MCM8: variants seen among roughly 807,000 people sequenced by gnomAD.
MCM8 encodes the protein DNA helicase MCM8.
A neutral mutation model predicts 98.9 loss-of-function variants in MCM8; 85 were observed. That is an observed-to-expected ratio of 0.86 (90% confidence interval 0.72 to 1.03). The LOEUF (loss-of-function observed/expected upper bound fraction) is 1.03. Ranked by LOEUF, MCM8 falls within the 50% of genes least tolerant of loss-of-function variation. The probability of loss-of-function intolerance (pLI) is 0.00; values close to 1 mark genes in which losing one functional copy is unlikely to be tolerated. For missense variants in MCM8, 951 were observed against 997.8 expected, an observed-to-expected ratio of 0.95 and a Z score of 0.63; for synonymous variants, 352 against 338.6, an observed-to-expected ratio of 1.04 and a Z score of -0.44.
intron 8 of MCM8, among the ~76,000 whole-genome samples, chr20:5,965,964 C>T (rs1348755874): frequency 6.6e-6 from 1 of 152,038 alleles, no homozygotes; most frequent in Admixed American, 6.6e-5. Context: ...TGCTTCATTG[C>T]ATTTTTTCTA....
rs1339833254 is a variant in MCM8 at position 5,998,180 on chromosome 20, G to A, written c.*3789G>A. The stretch of plus-strand genomic sequence containing the variant: ...ATGGATATTGACTAGCCAAAGAGGT[G>A]GATAAATGTAGATACAATGATACGG... On this transcript the variant is annotated 3_prime_UTR_variant, in exon 19 of 19. Coordinates refer to ENST00000610722, the MANE Select transcript of MCM8 (RefSeq NM_032485.6). The A allele has an allele frequency of 6.6e-6, 1 of 152,158 alleles. No individual in the cohort carries two copies. The highest frequency in any genetic ancestry group is 1.5e-5 in the Non-Finnish European group (1 of 68,032). 9.4% of individuals were successfully genotyped at this position (152,158 alleles called of 1,614,324 possible).
At chr20:5,975,312 A>G (rs1438398587) in intron 12 of MCM8, among the ~76,000 whole-genome samples, 2 of 151,786 alleles carry the variant, frequency 1.3e-5, no homozygotes, top group African/African-American at 4.8e-5. Context: ...AAAAGATGCA[A>G]GTGGGGATCT....
rs1179424441 is a variant in MCM8, at chr20:5,973,058, T to C, written c.1257T>C (p.Leu419=). The change falls in exon 12 of 19, where the codon CTT becomes CTC. Residue 419 remains leucine (L), a splice_region_variant and synonymous_variant. Transcript: ENST00000610722. ...TTTGTTCTTTTTTCGCACTTGAGCT[T>C]GTTAAAGCAGGTTTGGCATTAGCAC... is the stretch of plus-strand genomic sequence containing the variant. ...SLCPVIFGHE[L]VKAGLALALF... 4 of 1,614,062 alleles carry C rather than the reference T, an allele frequency of 2.5e-6. No individual in the cohort carries two copies. Among genetic ancestry groups the C allele is most frequent in the Non-Finnish European group, 2.5e-6 (3 of 1,179,890 alleles).
rs747711524 is a variant in MCM8, at chr20:5,957,188, T to C, written c.549T>C (p.Asn183=). Residue 183 remains asparagine (N), a synonymous_variant, in exon 6 of 19, where the codon AAT becomes AAC. Transcript: ENST00000610722. ...TACAAGCCCAGGAAGGATTGTCTAATGATGGAGAAACAATGGTAAATGTGC... is the reference window on the plus strand; with the variant it reads ...TACAAGCCCAGGAAGGATTGTCTAACGATGGAGAAACAATGGTAAATGTGC... ...AELQAQEGLS[N]DGETMVNVPH... is the part of the protein sequence containing the mutation. The C allele has an allele frequency of 3.1e-6, 5 of 1,613,746 alleles. No individual in the cohort carries two copies. The South Asian group carries it at 5.5e-5, about 18-fold the overall frequency.
intron 3 of MCM8, among the ~76,000 whole-genome samples, chr20:5,953,717 C>T (rs1462316556): frequency 1.3e-5 from 2 of 151,972 alleles, no homozygotes; most frequent in Non-Finnish European, 2.9e-5. Context: ...TCGTTATCCG[C>T]CCGCCTCGGC....
chr20:5,979,552 A>C (rs949715872), intron 13 of MCM8, among the ~76,000 whole-genome samples: 1 of 151,660 alleles, frequency 6.6e-6, no homozygotes, highest in Admixed American at 6.6e-5. Context: ...GTAAATGACA[A>C]CTCTCATTAT....
intron 13 of MCM8, 64 bp from the exon 14 acceptor site, chr20:5,982,906 T>C: frequency 7.4e-7 from 1 of 1,349,840 alleles, no homozygotes; most frequent in Non-Finnish European, 1.0e-6. Flanking sequence ...ATTTCTATCC[T>C]ATAAAATTTG....
rs1187790521 is a variant in MCM8 at position 5,982,845 on chromosome 20, C to A, written c.1538-125C>A. ...CAAACAGTAATTCTCCATTGTATGA[C>A]ATTTTATAATTTTAACTGCTGAAAC... On this transcript the variant is annotated intron_variant, in intron 13 of 18. Coordinates refer to ENST00000610722, the MANE Select transcript of MCM8 (RefSeq NM_032485.6). The A allele has an allele frequency of 9.0e-6, 7 of 781,222 alleles. No individual in the cohort carries two copies. The East Asian group carries it at 1.6e-4, about 18-fold the overall frequency. The allele number at this position is 781,222 out of a possible 1,614,324, so 48.4% of individuals were successfully genotyped here.
Position 5,995,630 on chromosome 20 carries a change from G to A in MCM8, c.*1239G>A, listed in dbSNP as rs2089946349. ...CTGATTGAAAAAGGGTATGTTATAT[G>A]CCCCTTTCATAGGCTGCTAGGGAGT... is the stretch of plus-strand genomic sequence containing the variant. On this transcript the variant is annotated 3_prime_UTR_variant, in exon 19 of 19. Transcript: ENST00000610722. 1 of 152,220 alleles carries A rather than the reference G, an allele frequency of 6.6e-6. No homozygotes were observed. The highest frequency in any genetic ancestry group is 2.4e-5 in the African/African-American group (1 of 41,460). 9.4% of individuals were successfully genotyped at this position (152,220 alleles called of 1,614,324 possible).
At chr20:5,984,126 G>T (rs1451230805) in intron 14 of MCM8, among the ~76,000 whole-genome samples, 1 of 152,170 alleles carries the variant, frequency 6.6e-6, no homozygotes, top group Non-Finnish European at 1.5e-5. Flanking sequence ...GACAAAATGT[G>T]TGGAAAAGGA....
rs149767423 is a variant in MCM8, at chr20:5,967,514, T to C, written c.954T>C (p.Asp318=). 3.6e-4 allele frequency: 585 copies of C among 1,614,116 alleles called. 6 individuals are homozygous for C. In the African/African-American group the frequency reaches 7.0e-3, roughly 19 times the overall value. Residue 318 remains aspartate (D), a synonymous_variant, in exon 9 of 19, where the codon GAT becomes GAC. Coordinates refer to ENST00000610722, the MANE Select transcript of MCM8 (RefSeq NM_032485.6). ...CAATAGAATGTGAGCTTGTTCATGA[T>C]CTTGTGGATAGCTGTGTCCCGGGAG... ...PRTIECELVH[D]LVDSCVPGDT... is the part of the protein sequence containing the mutation.
At position 5,975,215 on chromosome 20, in the gene MCM8, T is replaced by C. The variant is rs544714529; in HGVS notation, c.1395+2019T>C. Among the ~76,000 whole-genome samples the C allele has an allele frequency of 2.6e-3, 396 of 151,722 alleles. 2 individuals carry two copies. The highest frequency in any genetic ancestry group is 9.1e-3 in the African/African-American group (378 of 41,316). On this transcript the variant is annotated intron_variant, in intron 12 of 18. Transcript: ENST00000610722. ...TGGAGAATGCAGGGAGCCATCGTTA[T>C]GCAACTGTACCCCAGCCTGGGCAAT...
intron 11 of MCM8, chr20:5,972,510 GA>G: frequency 6.6e-6 from 2 of 302,262 alleles, no homozygotes; most frequent in South Asian, 2.7e-5. Flanking sequence ...CTCCTTTTAA[GA>G]AAAAACTTTT....
Position 5,963,338 on chromosome 20 carries a change from C to G in MCM8, c.854C>G (p.Thr285Arg), listed in dbSNP as rs143119219. ...TALRSSPLTV[T>R]MDWQSIKIQE... is the part of the protein sequence containing the mutation. ...CTCCGCAGCTCTCCTCTCACAGTTA[C>G]GATGGACTGGCAGTCAATCAAGTAA... The change falls in exon 8 of 19, where the codon ACG becomes AGG. Residue 285 changes from threonine to arginine, a missense_variant. Thr to Arg is a moderately conservative substitution (Grantham distance 71). Transcript: ENST00000610722. 6.2e-7 allele frequency: 1 copy of G among 1,613,710 alleles called. No homozygotes were observed. Among genetic ancestry groups the G allele is most frequent in the Admixed American group, 1.7e-5 (1 of 59,980 alleles).
chr20:5,982,198 T>C (rs1427440539), intron 13 of MCM8, among the ~76,000 whole-genome samples: 1 of 152,184 alleles, frequency 6.6e-6, no homozygotes, highest in African/African-American at 2.4e-5. Flanking sequence ...TTGTCTTCCC[T>C]GCTCCCCATA....
chr20:5,973,909 C>T (rs1467752148), intron 12 of MCM8, among the ~76,000 whole-genome samples: 1 of 152,114 alleles, frequency 6.6e-6, no homozygotes, highest in African/African-American at 2.4e-5. Context: ...CCCACCTTAA[C>T]CTCCCAAAGT....
In MCM8 at chr20:5,994,478, G is replaced by GACACACACACACAC. The variant is rs11472210; in HGVS notation, c.*119_*132dup. 72 of 384,450 alleles carry GACACACACACACAC rather than the reference G, an allele frequency of 1.9e-4. No homozygotes were observed. The highest frequency in any genetic ancestry group is 1.3e-3 in the African/African-American group (56 of 43,264). The allele number at this position is 384,450 out of a possible 1,614,324, so 23.8% of individuals were successfully genotyped here. On this transcript the variant is annotated 3_prime_UTR_variant, in exon 19 of 19. Transcript: ENST00000610722. Reference sequence around the variant, plus strand: ...ATATGCGTGCACGCACAGACAGACAGACACACACACACACACACACACACA... The same window carrying GACACACACACACAC: ...ATATGCGTGCACGCACAGACAGACAGACACACACACACACACACACACACACACACACACACACA...
chr20:5,985,329 A>T (rs528829653), intron 15 of MCM8, among the ~76,000 whole-genome samples: 2 of 151,326 alleles, frequency 1.3e-5, no homozygotes, highest in Middle Eastern at 3.4e-3. Context: ...CTGTAATCCC[A>T]GCTACTTGGG....
chr20:5,980,256 A>C (rs1234486252), intron 13 of MCM8, among the ~76,000 whole-genome samples: 2 of 151,824 alleles, frequency 1.3e-5, no homozygotes, highest in East Asian at 3.9e-4. Context: ...TTTACCTTCT[A>C]TATTGTTTAC....
Sources: gnomAD v4.1 joint callset for allele counts (sites outside exome capture counted in the v4.1 genomes callset) on GRCh38, gnomAD v4.1.1 for gene constraint, MANE v1.5 for transcripts, NCBI Gene and HGNC (gene_info 2026-07-23, HGNC 2026-07-21) for gene names.